The following ITGB5 variants were observed in gnomAD, a reference collection of about 807,000 sequenced individuals.
The protein encoded by ITGB5 is integrin beta-5.
In ITGB5, 38 loss-of-function variants were observed where a neutral mutation model predicts 84.8. That is an observed-to-expected ratio of 0.45 (90% CI 0.35 to 0.59). The LOEUF is 0.59. ITGB5 is among the 20% of genes least tolerant of loss of function. The pLI is 0.01. For synonymous variants in ITGB5, 393 were observed against 414.4 expected, an observed-to-expected ratio of 0.95 and a Z score of 0.63; for missense variants, 905 against 1,034.5, an observed-to-expected ratio of 0.87 and a Z score of 1.72.
At chr3:124,876,139 T>C (rs950533882) in intron 1 of ITGB5, among the ~76,000 whole-genome samples, 2 of 152,240 alleles carry the variant, frequency 1.3e-5, no homozygotes. Flanking sequence ...AGAGAGTAGA[T>C]CTTAAATACT....
At chr3:124,839,640 C>A (rs775701189) in intron 5 of ITGB5, among the ~76,000 whole-genome samples, 9 of 152,154 alleles carry the variant, frequency 5.9e-5, no homozygotes, top group Non-Finnish European at 1.0e-4. Flanking sequence ...TACCAAGAAG[C>A]AGAATTTGGC....
chr3:124,849,753 T>C (rs1017496175), intron 3 of ITGB5, among the ~76,000 whole-genome samples: 2 of 152,004 alleles, frequency 1.3e-5, no homozygotes, highest in Admixed American at 6.6e-5. Flanking sequence ...TCTCACCCTA[T>C]AGAGTTCAAA....
chr3:124,799,538 C>A (rs551450979), intron 9 of ITGB5, among the ~76,000 whole-genome samples: 2 of 152,066 alleles, frequency 1.3e-5, no homozygotes, highest in Admixed American at 1.3e-4. Context: ...CCAGCCTGGA[C>A]GACAGAGTGA....
intron 5 of ITGB5, among the ~76,000 whole-genome samples, chr3:124,838,492 T>G (rs2064967436): frequency 6.6e-6 from 1 of 152,250 alleles, no homozygotes; most frequent in Non-Finnish European, 1.5e-5. Context: ...CATAAAACAT[T>G]GGGTTGTATC....
rs567491662 is a variant in ITGB5, at chr3:124,768,052, A to G, written c.2017+961T>C. Among the ~76,000 whole-genome samples, 6 of 152,310 alleles carry G rather than the reference A, an allele frequency of 3.9e-5. No homozygotes were observed. The East Asian group carries it at 5.8e-4, about 15-fold the overall frequency. On this transcript the variant is annotated intron_variant, in intron 12 of 14. Transcript: ENST00000296181. ...GCCACTGCACTCCAGCCTGGGTGACAGAGACCCTGTCTCGAGACAAAAAAC... is the reference window on the plus strand; with the variant it reads ...GCCACTGCACTCCAGCCTGGGTGACGGAGACCCTGTCTCGAGACAAAAAAC...
At chr3:124,822,875 T>G (rs2064727948) in intron 5 of ITGB5, among the ~76,000 whole-genome samples, 1 of 152,110 alleles carries the variant, frequency 6.6e-6, no homozygotes, top group Non-Finnish European at 1.5e-5. Context: ...GAAAGTCCAA[T>G]GCTAATGGAA....
At chr3:124,785,885 T>C (rs1271634873) in intron 10 of ITGB5, among the ~76,000 whole-genome samples, 2 of 152,104 alleles carry the variant, frequency 1.3e-5, no homozygotes, top group Non-Finnish European at 2.9e-5. Context: ...TTGGAAAATG[T>C]AGGCTAAGTG....
At chr3:124,795,680 T>C (rs970691241) in intron 10 of ITGB5, among the ~76,000 whole-genome samples, 1 of 151,642 alleles carries the variant, frequency 6.6e-6, no homozygotes, top group Non-Finnish European at 1.5e-5. Context: ...ACCACAAGGG[T>C]CTGTAGGAGA....
exon 1 of ITGB5, chr3:124,901,394 A>G (rs1935210687): frequency 6.6e-6 from 1 of 151,816 alleles, no homozygotes; most frequent in Non-Finnish European, 1.5e-5. Flanking sequence ...CTGTCTCGAT[A>G]AAAAGAAATA....
chr3:124,854,787 A>T (rs1412502064), intron 3 of ITGB5, among the ~76,000 whole-genome samples: 1 of 152,226 alleles, frequency 6.6e-6, no homozygotes, highest in East Asian at 1.9e-4. Flanking sequence ...TTAAAAAAAT[A>T]AAAAATGTCC....
intron 9 of ITGB5, among the ~76,000 whole-genome samples, chr3:124,805,195 TG>T (rs2064381400): frequency 1.3e-5 from 2 of 151,358 alleles, no homozygotes; most frequent in East Asian, 2.0e-4. Context: ...CAGGCTGGAG[TG>T]CAGTGTCCCA....
intron 2 of ITGB5, among the ~76,000 whole-genome samples, chr3:124,868,959 T>G (rs2065436430): frequency 6.6e-6 from 1 of 152,094 alleles, no homozygotes. Flanking sequence ...ACATGATACC[T>G]GTGGGAGGAG....
At chr3:124,886,025 C>T (rs948053447) in intron 1 of ITGB5, among the ~76,000 whole-genome samples, 5 of 152,208 alleles carry the variant, frequency 3.3e-5, no homozygotes, top group Admixed American at 3.3e-4. Context: ...GCATCCCAAA[C>T]AAGTGCATCC....
intron 2 of ITGB5, among the ~76,000 whole-genome samples, chr3:124,872,306 T>C (rs1198686349): frequency 6.6e-6 from 1 of 152,182 alleles, no homozygotes; most frequent in Non-Finnish European, 1.5e-5. Context: ...TTTGGCACAC[T>C]TGTGTGACCT....
At chr3:124,819,718 C>G in intron 7 of ITGB5, 21 bp downstream of exon 7, 1 of 1,546,328 alleles carries the variant, frequency 6.5e-7, no homozygotes, top group Non-Finnish European at 8.9e-7. Flanking sequence ...AAATCACTAG[C>G]CTCCCTCCCT....
chr3:124,791,157 G>C (rs1283327096), intron 10 of ITGB5: 1 of 152,164 alleles, frequency 6.6e-6, no homozygotes, highest in Non-Finnish European at 1.5e-5. Context: ...CAACTGAACA[G>C]AACATGTCCT....
chr3:124,802,468 G>A (rs147776415), intron 9 of ITGB5, among the ~76,000 whole-genome samples: 2,477 of 152,294 alleles, frequency 0.016, 31 homozygotes, highest in Middle Eastern at 0.034. Flanking sequence ...TCTGTCTTGG[G>A]GATCAGAGGA....
At chr3:124,783,783 C>T (rs1406150294) in intron 10 of ITGB5, among the ~76,000 whole-genome samples, 1 of 152,254 alleles carries the variant, frequency 6.6e-6, no homozygotes, top group Non-Finnish European at 1.5e-5. Flanking sequence ...TGTGGTCACA[C>T]TGAAATCGCA....
chr3:124,780,225 C>T (rs537398521), intron 10 of ITGB5, among the ~76,000 whole-genome samples: 2 of 136,942 alleles, frequency 1.5e-5, no homozygotes, highest in East Asian at 4.9e-4. Context: ...AACAAAGCCA[C>T]TGCTCCATTC....
Sources: allele counts gnomAD v4.1 joint callset (sites outside exome capture counted in the v4.1 genomes callset), GRCh38; gene constraint gnomAD v4.1.1; transcripts MANE v1.5; gene names NCBI Gene and HGNC (gene_info 2026-07-23, HGNC 2026-07-21).